The following CNTNAP2 variants were observed in gnomAD, a reference collection of about 807,000 sequenced individuals.
CNTNAP2 encodes the protein contactin associated protein 2.
CNTNAP2 carries 98 observed loss-of-function variants against 155.2 expected under a neutral mutation model. The observed-to-expected ratio is 0.63, with a 90% CI of 0.54 to 0.75. The LOEUF is 0.75. CNTNAP2 is among the 30% of genes least tolerant of loss of function. CNTNAP2 has a pLI of 0.00. For missense variants in CNTNAP2, 1,727 were observed against 1,688.1 expected (o/e 1.02, Z -0.40); for synonymous variants, 651 against 631.2 (o/e 1.03, Z -0.47).
At chr7:147,040,866 C>T (rs1397678939) in intron 3 of CNTNAP2, among the ~76,000 whole-genome samples, 1 of 152,080 alleles carries the variant, frequency 6.6e-6, no homozygotes, top group Non-Finnish European at 1.5e-5. Context: ...TCATATCTTT[C>T]CCTCTCTTCC....
At chr7:146,504,814 G>A (rs1280645774) in intron 1 of CNTNAP2, among the ~76,000 whole-genome samples, 1 of 152,164 alleles carries the variant, frequency 6.6e-6, no homozygotes, top group Admixed American at 6.5e-5. Flanking sequence ...TGACCATACT[G>A]TGTCTCCACA....
intron 8 of CNTNAP2, among the ~76,000 whole-genome samples, chr7:147,233,762 AC>A (rs1197892738): frequency 1.3e-5 from 2 of 148,786 alleles, no homozygotes. Context: ...TTATATAAAA[AC>A]ATTGATGAAT....
At chr7:146,998,532 A>G (rs1798354574) in intron 3 of CNTNAP2, among the ~76,000 whole-genome samples, 1 of 151,972 alleles carries the variant, frequency 6.6e-6, no homozygotes, top group African/African-American at 2.4e-5. Context: ...TTATGTCTGT[A>G]TACCTGCTAT....
At chr7:148,075,191 C>T (rs1174701415) in intron 15 of CNTNAP2, among the ~76,000 whole-genome samples, 1 of 152,178 alleles carries the variant, frequency 6.6e-6, no homozygotes, top group African/African-American at 2.4e-5. Flanking sequence ...CATCCCAGCA[C>T]TTTGGGAGGC....
At chr7:147,151,410 A>G (rs983925458) in intron 8 of CNTNAP2, among the ~76,000 whole-genome samples, 3 of 152,190 alleles carry the variant, frequency 2.0e-5, no homozygotes, top group Admixed American at 6.5e-5. Flanking sequence ...AAATGATAGT[A>G]AAGTCACATA....
intron 20 of CNTNAP2, among the ~76,000 whole-genome samples, chr7:148,243,808 GAA>G (rs1033336475): frequency 6.7e-6 from 1 of 148,170 alleles, no homozygotes; most frequent in Non-Finnish European, 1.5e-5. Context: ...AAAGAAAAAA[GAA>G]AAAAAAAACT....
intron 1 of CNTNAP2, among the ~76,000 whole-genome samples, chr7:146,314,749 T>TG (rs1800880475): frequency 6.6e-6 from 1 of 152,114 alleles, no homozygotes; most frequent in Non-Finnish European, 1.5e-5. Context: ...TATTTACTGC[T>TG]GGGTCAAGCT....
chr7:147,342,409 T>A (rs1032301149), intron 9 of CNTNAP2, among the ~76,000 whole-genome samples: 1 of 152,194 alleles, frequency 6.6e-6, no homozygotes, highest in Non-Finnish European at 1.5e-5. Context: ...TTCCACTTAA[T>A]GATAATAATG....
At chr7:147,837,025 A>G (rs541930444) in intron 13 of CNTNAP2, among the ~76,000 whole-genome samples, 1 of 152,360 alleles carries the variant, frequency 6.6e-6, no homozygotes, top group East Asian at 1.9e-4. Flanking sequence ...ACATTTCACC[A>G]TGCCATCCGA....
At chr7:147,604,788 G>A (rs1801030084) in intron 12 of CNTNAP2, among the ~76,000 whole-genome samples, 1 of 152,126 alleles carries the variant, frequency 6.6e-6, no homozygotes, top group Non-Finnish European at 1.5e-5. Context: ...ATTATGTTGT[G>A]GAGAGCAACA....
At chr7:148,187,356 T>C (rs1795135363) in intron 18 of CNTNAP2, among the ~76,000 whole-genome samples, 1 of 152,140 alleles carries the variant, frequency 6.6e-6, no homozygotes, top group Non-Finnish European at 1.5e-5. Context: ...GAGACCACTT[T>C]AGATTGCCTT....
At chr7:146,449,251 A>G (rs1232209548) in intron 1 of CNTNAP2, among the ~76,000 whole-genome samples, 1 of 152,034 alleles carries the variant, frequency 6.6e-6, no homozygotes, top group Non-Finnish European at 1.5e-5. Flanking sequence ...TTTCTTGTTA[A>G]AACATTTTTA....
At chr7:148,379,448 A>G (rs1338996098) in intron 21 of CNTNAP2, among the ~76,000 whole-genome samples, 1 of 152,138 alleles carries the variant, frequency 6.6e-6, no homozygotes, top group African/African-American at 2.4e-5. Flanking sequence ...TCATGCCTAT[A>G]ATCCCAGCAC....
intron 8 of CNTNAP2, among the ~76,000 whole-genome samples, chr7:147,289,014 C>G (rs558589312): frequency 3.9e-5 from 6 of 152,240 alleles, no homozygotes; most frequent in Non-Finnish European, 7.4e-5. Flanking sequence ...TACATTATGA[C>G]TCATGAATCA....
chr7:147,842,351 T>C (rs555825068), intron 13 of CNTNAP2, among the ~76,000 whole-genome samples: 6 of 152,332 alleles, frequency 3.9e-5, no homozygotes, highest in East Asian at 3.9e-4. Flanking sequence ...ATTCATAAGA[T>C]AGTACAGCCA....
intron 1 of CNTNAP2, among the ~76,000 whole-genome samples, chr7:146,190,565 TG>T (rs1798688192): frequency 6.6e-6 from 1 of 152,172 alleles, no homozygotes; most frequent in African/African-American, 2.4e-5. Flanking sequence ...GGAGATATCA[TG>T]GCTTCAAAAT....
chr7:147,108,403 A>T, intron 5 of CNTNAP2, 53 bp downstream of exon 5: 1 of 1,452,618 alleles, frequency 6.9e-7, no homozygotes, highest in African/African-American at 1.4e-5. Context: ...TCCCATTAGG[A>T]ATATGTTCAT....
intron 20 of CNTNAP2, among the ~76,000 whole-genome samples, chr7:148,235,155 T>C (rs563679879): frequency 6.6e-6 from 1 of 152,356 alleles, no homozygotes; most frequent in South Asian, 2.1e-4. Context: ...TGAATTCTGT[T>C]CTTTAAAATA....
chr7:146,438,912 A>G (rs1011838371), intron 1 of CNTNAP2, among the ~76,000 whole-genome samples: 4 of 151,580 alleles, frequency 2.6e-5, no homozygotes, highest in Non-Finnish European at 4.4e-5. Flanking sequence ...CATCCTGAGC[A>G]TAGATTTTAA....
Sources: gnomAD v4.1 joint callset for allele counts (sites outside exome capture counted in the v4.1 genomes callset) on GRCh38, gnomAD v4.1.1 for gene constraint, MANE v1.5 for transcripts, NCBI Gene and HGNC (gene_info 2026-07-23, HGNC 2026-07-21) for gene names.